LRRC49: variants seen among roughly 807,000 people sequenced by gnomAD.
The protein encoded by LRRC49 is leucine-rich repeat-containing protein 49.
LRRC49 carries 50 observed loss-of-function variants against 83.3 expected under a neutral mutation model. That is an observed-to-expected ratio of 0.60 (90% CI 0.48 to 0.76). The LOEUF (loss-of-function observed/expected upper bound fraction) is 0.76, where lower values mean the gene tolerates loss of function less well. LRRC49 is among the 30% of genes least tolerant of loss of function. The pLI, the probability that LRRC49 is intolerant of heterozygous loss-of-function variation, is 0.00. For synonymous variants in LRRC49, 286 were observed against 283.3 expected, an observed-to-expected ratio of 1.01 and a Z score of -0.10; for missense variants, 704 against 809.1, an observed-to-expected ratio of 0.87 and a Z score of 1.58.
chr15:70,996,848 GTGTT>G (rs1258465574), intron 11 of LRRC49, among the ~76,000 whole-genome samples: 2 of 152,078 alleles, frequency 1.3e-5, no homozygotes, highest in African/African-American at 4.8e-5. Flanking sequence ...TCTTTTTCCA[GTGTT>G]TGTTTAAGAC....
rs137948946 is a variant in LRRC49, at chr15:70,883,087, T to C, written c.18+9864T>C. Among the ~76,000 whole-genome samples, 79 of 152,356 alleles carry C rather than the reference T, an allele frequency of 5.2e-4. 1 individual carries two copies. The East Asian group carries it at 0.015, about 29-fold the overall frequency. On this transcript the variant is annotated intron_variant, in intron 2 of 16. Transcript: ENST00000544974. ...CCAACCTTTTATGAATTCTGCCATA[T>C]TGTCTTTTTTCCACTTATAAATCAT...
intron 1 of LRRC49, among the ~76,000 whole-genome samples, chr15:70,867,643 T>C (rs1534616): frequency 0.55 from 82,996 of 152,048 alleles, 23,431 homozygotes; most frequent in Admixed American, 0.69. Context: ...GCTGTTCCCA[T>C]TATCCCACCC....
intron 8 of LRRC49, among the ~76,000 whole-genome samples, chr15:70,944,738 A>G (rs1431274328): frequency 6.6e-6 from 1 of 152,266 alleles, no homozygotes; most frequent in East Asian, 1.9e-4. Flanking sequence ...ATTTCTATCT[A>G]TTCAGTCACC....
At chr15:70,944,295 T>C (rs1348856231) in intron 8 of LRRC49, among the ~76,000 whole-genome samples, 4 of 152,164 alleles carry the variant, frequency 2.6e-5, no homozygotes. Context: ...AAGAGAAAAG[T>C]CAAAGGTGTT....
intron 3 of LRRC49, chr15:70,900,121 A>T (rs2034007765): frequency 1.2e-5 from 2 of 169,238 alleles, no homozygotes; most frequent in African/African-American, 4.8e-5. Context: ...GCAAACTTAC[A>T]AATAGGTATT....
chr15:71,010,383 C>T (rs118190245), intron 13 of LRRC49, among the ~76,000 whole-genome samples: 2,431 of 150,866 alleles, frequency 0.016, 43 homozygotes, highest in Non-Finnish European at 0.026. Flanking sequence ...GAAGTAAAAC[C>T]TAAATGTCAA....
At chr15:70,893,213 A>G (rs1032240086) in intron 1 of LRRC49, 7 of 580,920 alleles carry the variant, frequency 1.2e-5, no homozygotes, top group East Asian at 2.8e-5. Context: ...TCCTTTGGCC[A>G]GTCAATTCCT....
At chr15:70,853,792 C>T (rs1323710490) in intron 1 of LRRC49, 13 of 946,534 alleles carry the variant, frequency 1.4e-5, no homozygotes, top group Non-Finnish European at 1.6e-5. Flanking sequence ...TCAACCCCCT[C>T]TGCCCGAGGA....
intron 14 of LRRC49, among the ~76,000 whole-genome samples, chr15:71,032,638 C>G (rs1215502494): frequency 1.3e-5 from 2 of 152,244 alleles, no homozygotes; most frequent in East Asian, 3.9e-4. Flanking sequence ...CCAAATCAAG[C>G]ATCACATCAA....
chr15:71,011,417 T>C (rs1303234584), intron 13 of LRRC49, among the ~76,000 whole-genome samples: 3 of 152,152 alleles, frequency 2.0e-5, no homozygotes, highest in Non-Finnish European at 4.4e-5. Flanking sequence ...GAAGGAATAG[T>C]GTAGTTATAT....
chr15:71,002,105 A>G (rs1481853495), intron 11 of LRRC49, among the ~76,000 whole-genome samples: 4 of 152,140 alleles, frequency 2.6e-5, no homozygotes, highest in African/African-American at 9.7e-5. Context: ...ATCATTTGGG[A>G]CCCTGAATGA....
chr15:70,888,238 C>T (rs2033461411), upstream of LRRC49, among the ~76,000 whole-genome samples: 2 of 152,068 alleles, frequency 1.3e-5, no homozygotes, highest in African/African-American at 4.8e-5. Flanking sequence ...TATCCACAAA[C>T]ATGAACAAGG....
intron 11 of LRRC49, among the ~76,000 whole-genome samples, chr15:70,989,123 G>A (rs957536132): frequency 6.6e-6 from 1 of 152,094 alleles, no homozygotes; most frequent in Non-Finnish European, 1.5e-5. Flanking sequence ...TCTTGGAGTT[G>A]CTCTTCTCGA....
chr15:70,863,733 C>T (rs903216381), intron 1 of LRRC49, among the ~76,000 whole-genome samples: 5 of 152,204 alleles, frequency 3.3e-5, no homozygotes, highest in African/African-American at 1.2e-4. Context: ...GGCCAAGGCC[C>T]TGCTACCCAA....
rs115243173 is a variant in LRRC49 at position 71,011,566 on chromosome 15, A to G, written c.1594-1238A>G. ...TATATTCCTGTTTGTTAGGTCCTTG[A>G]CCTTAGATAGTAATGTTACACTGCA... On this transcript the variant is annotated intron_variant, in intron 13 of 15. Coordinates refer to ENST00000260382, the MANE Select transcript of LRRC49 (RefSeq NM_017691.5). Among the ~76,000 whole-genome samples, 1,091 of 152,250 alleles carry G rather than the reference A, an allele frequency of 7.2e-3. 13 individuals carry two copies. Among genetic ancestry groups the G allele is most frequent in the African/African-American group, 0.025 (1,053 of 41,556 alleles).
At chr15:71,012,644 A>G (rs1214414889) in intron 13 of LRRC49, among the ~76,000 whole-genome samples, 160 bp from the exon 14 acceptor site, 1 of 152,190 alleles carries the variant, frequency 6.6e-6, no homozygotes, top group Non-Finnish European at 1.5e-5. Context: ...TCAAGAAAGA[A>G]AAATATCAAT....
At chr15:70,933,195 ATTTTCC>A (rs1424865694) in intron 7 of LRRC49, among the ~76,000 whole-genome samples, 2 of 152,154 alleles carry the variant, frequency 1.3e-5, no homozygotes, top group East Asian at 3.8e-4. Context: ...AAAAGATTAT[ATTTTCC>A]AAATACATAA....
intron 9 of LRRC49, among the ~76,000 whole-genome samples, chr15:70,969,713 A>C (rs2036923778): frequency 6.6e-6 from 1 of 152,108 alleles, no homozygotes; most frequent in South Asian, 2.1e-4. Context: ...TGTAAGTTGT[A>C]TGCCTAGACG....
At chr15:71,029,090 A>G (rs2039266284) in intron 14 of LRRC49, among the ~76,000 whole-genome samples, 1 of 152,192 alleles carries the variant, frequency 6.6e-6, no homozygotes, top group Non-Finnish European at 1.5e-5. Flanking sequence ...ATTTAGTGCT[A>G]TAAATTTCCC....
Sources: gnomAD v4.1 joint callset for allele counts (sites outside exome capture counted in the v4.1 genomes callset) on GRCh38, gnomAD v4.1.1 for gene constraint, MANE v1.5 for transcripts, NCBI Gene and HGNC (gene_info 2026-07-23, HGNC 2026-07-21) for gene names.